Variants in OR10R2 observed in about 807,000 individuals in gnomAD.
OR10R2 encodes olfactory receptor 10R2.
OR10R2 carries 1 observed loss-of-function variant against 2.4 expected under a neutral mutation model. That is an observed-to-expected ratio of 0.41 (90% confidence interval 0.15 to 1.95). The LOEUF (loss-of-function observed/expected upper bound fraction) is 1.95, where lower values mean the gene tolerates loss of function less well. Among genes scored for constraint, OR10R2 ranks in the 30% most tolerant of loss-of-function variants. The probability of loss-of-function intolerance (pLI) is 0.30; values close to 1 mark genes in which losing one functional copy is unlikely to be tolerated. For missense variants in OR10R2, 419 were observed against 373.0 expected, an observed-to-expected ratio of 1.12 and a Z score of -1.01; for synonymous variants, 166 against 144.8, an observed-to-expected ratio of 1.15 and a Z score of -1.05.
intron 1 of OR10R2, chr1:158,474,410 T>A (rs1292748664): frequency 1.3e-5 from 2 of 152,184 alleles, no homozygotes; most frequent in African/African-American, 4.8e-5. Flanking sequence ...TTCTTCTAAT[T>A]TCTCCCTTCA....
chr1:158,472,268 G>T (rs1011043636), exon 1 of OR10R2: 2 of 398,742 alleles, frequency 5.0e-6, no homozygotes, highest in Admixed American at 4.4e-5. Context: ...CAGAAAAAAA[G>T]CTCCTTAATT....
At chr1:158,480,832 C>T in exon 2 of OR10R2, 1 of 1,597,764 alleles carries the variant, frequency 6.3e-7, no homozygotes, top group Non-Finnish European at 8.5e-7. Context: ...GGATGTCCAA[C>T]TTGCTATCAG....
At chr1:158,478,540 C>T (rs754593054) in intron 1 of OR10R2, among the ~76,000 whole-genome samples, 6 of 152,130 alleles carry the variant, frequency 3.9e-5, no homozygotes, top group Non-Finnish European at 8.8e-5. Flanking sequence ...TACTACATTG[C>T]TTTGACTATT....
chr1:158,473,599 T>G (rs1656203654), intron 1 of OR10R2, among the ~76,000 whole-genome samples: 1 of 152,222 alleles, frequency 6.6e-6, no homozygotes, highest in Non-Finnish European at 1.5e-5. Flanking sequence ...CTTTGCATGT[T>G]CAGTGAACTA....
intron 1 of OR10R2, among the ~76,000 whole-genome samples, chr1:158,476,750 C>A (rs1656279904): frequency 6.6e-6 from 1 of 151,642 alleles, no homozygotes; most frequent in Non-Finnish European, 1.5e-5. Context: ...TGTGTAGATA[C>A]AAGTCTTTTA....
At chr1:158,475,603 C>T (rs917291955) in intron 1 of OR10R2, among the ~76,000 whole-genome samples, 3 of 151,648 alleles carry the variant, frequency 2.0e-5, no homozygotes, top group Non-Finnish European at 2.9e-5. Context: ...TTTTCTCCAT[C>T]GGCTTGTAAT....
chr1:158,479,876 G>A, intron 1 of OR10R2, 62 bp from the exon 2 acceptor site: 1 of 1,577,024 alleles, frequency 6.3e-7, no homozygotes, highest in South Asian at 1.1e-5. Context: ...ACAAAGGAGT[G>A]CATGCCCCAA....
chr1:158,473,739 C>T (rs560885296), intron 1 of OR10R2, among the ~76,000 whole-genome samples: 14 of 143,712 alleles, frequency 9.7e-5, no homozygotes, highest in African/African-American at 3.6e-4. Flanking sequence ...CTTTCCTTCC[C>T]TTTCCCTCCC....
chr1:158,479,727 A>G, intron 1 of OR10R2: 1 of 603,172 alleles, frequency 1.7e-6, no homozygotes, highest in South Asian at 2.1e-5. Context: ...AGAGAATCAG[A>G]AAGTCAGAGA....
intron 1 of OR10R2, among the ~76,000 whole-genome samples, chr1:158,478,052 G>C (rs1656304094): frequency 6.6e-6 from 1 of 152,124 alleles, no homozygotes; most frequent in African/African-American, 2.4e-5. Flanking sequence ...GCAAACAATG[G>C]AACAAGGACG....
chr1:158,472,512 G>T (rs1264937954), intron 1 of OR10R2, among the ~76,000 whole-genome samples, 160 bp downstream of exon 1: 3 of 152,172 alleles, frequency 2.0e-5, no homozygotes, highest in Non-Finnish European at 4.4e-5. Context: ...TGTACCCCAG[G>T]ATTCGTGTTT....
rs201237648 is a variant in OR10R2, at chr1:158,480,757, G to A, written c.847G>A (p.Val283Met). 7.1e-5 allele frequency: 115 copies of A among 1,613,692 alleles called. No individual in the cohort carries two copies. The Middle Eastern group carries it at 8.3e-4, about 12-fold the overall frequency. ...CTATGTGTCCAACAAAGACAGGCTGGTGACGGTGACATACACGATTGTCAC... is the reference window on the plus strand; with the variant it reads ...CTATGTGTCCAACAAAGACAGGCTGATGACGGTGACATACACGATTGTCAC... Residue 283 changes from valine to methionine, a missense_variant, in exon 2 of 2, where the codon GTG becomes ATG. Val to Met is a conservative substitution (Grantham distance 21). Coordinates refer to ENST00000641067, the Ensembl canonical transcript of OR10R2.
intron 1 of OR10R2, chr1:158,474,623 A>C (rs1160805984): frequency 6.6e-6 from 1 of 152,200 alleles, no homozygotes; most frequent in Non-Finnish European, 1.5e-5. Flanking sequence ...GTTATGAATC[A>C]GTTGGTCAGC....
chr1:158,474,277 C>T (rs1243604222), intron 1 of OR10R2, among the ~76,000 whole-genome samples: 1 of 152,000 alleles, frequency 6.6e-6, no homozygotes, highest in Non-Finnish European at 1.5e-5. Flanking sequence ...CTCTGCTGCC[C>T]AAATCACTCT....
At position 158,472,758 on chromosome 1, in the gene OR10R2, G is replaced by A. The variant is rs12072160; in HGVS notation, c.27+406G>A. Among the ~76,000 whole-genome samples, 1,289 of 152,110 alleles carry A rather than the reference G, an allele frequency of 8.5e-3. 18 individuals carry two copies. The highest frequency in any genetic ancestry group is 0.03 in the African/African-American group (1,242 of 41,494). The stretch of plus-strand genomic sequence containing the variant: ...TGGTAATAGGAAAAGTAGCTGGATG[G>A]GCAGATAAAATAATGCTCAAGTTGA... On this transcript the variant is annotated intron_variant, in intron 1 of 1. Transcript: ENST00000641067.
chr1:158,475,309 G>T (rs1656249804), intron 1 of OR10R2, among the ~76,000 whole-genome samples: 1 of 151,738 alleles, frequency 6.6e-6, no homozygotes, highest in Non-Finnish European at 1.5e-5. Context: ...ATAGAATATT[G>T]GAATAAATTA....
intron 1 of OR10R2, 196 bp from the exon 2 acceptor site, chr1:158,479,742 G>T: frequency 1.6e-6 from 1 of 617,244 alleles, no homozygotes; most frequent in Non-Finnish European, 2.9e-6. Context: ...CAGAGAAAGA[G>T]ATGTAACTTT....
chr1:158,479,946 A>C (rs1203881439), exon 2 of OR10R2: 2 of 1,613,946 alleles, frequency 1.2e-6, no homozygotes, highest in Admixed American at 1.7e-5. Context: ...AGATCTTGGC[A>C]GAAAACCTCA....
chr1:158,476,917 A>T (rs1350612426), intron 1 of OR10R2, among the ~76,000 whole-genome samples: 19 of 152,074 alleles, frequency 1.2e-4, no homozygotes, highest in Admixed American at 1.2e-3. Context: ...GCACATTTTA[A>T]AATGGGGTTT....
Sources: gnomAD v4.1 joint callset for allele counts (sites outside exome capture counted in the v4.1 genomes callset) on GRCh38, gnomAD v4.1.1 for gene constraint, MANE v1.5 for transcripts, NCBI Gene and HGNC (gene_info 2026-07-23, HGNC 2026-07-21) for gene names.